The following CSMD1 variants were observed in gnomAD, a reference collection of about 807,000 sequenced individuals.
The protein encoded by CSMD1 is CUB and Sushi multiple domains 1.
Under a neutral mutation model 417.5 loss-of-function variants are expected in CSMD1, and 213 were observed. The ratio of observed to expected loss-of-function variants is 0.51; its 90% confidence interval spans 0.46 to 0.57. The LOEUF is 0.57. Among genes scored for constraint, CSMD1 ranks in the 20% least tolerant of loss-of-function variants. The probability of loss-of-function intolerance (pLI) is 0.00; values close to 1 mark genes in which losing one functional copy is unlikely to be tolerated. For synonymous variants in CSMD1, 2,862 were observed against 1,736.8 expected (o/e 1.65, Z -16.11); for missense variants, 6,923 against 4,529.7 (o/e 1.53, Z -15.17).
intron 3 of CSMD1, among the ~76,000 whole-genome samples, chr8:4,393,222 C>G (rs1213245343): frequency 6.6e-6 from 1 of 151,930 alleles, no homozygotes; most frequent in Non-Finnish European, 1.5e-5. Context: ...TTGATCTACC[C>G]ACATCAGCCT....
chr8:3,006,394 A>C (rs1807905255), intron 52 of CSMD1, among the ~76,000 whole-genome samples: 1 of 149,836 alleles, frequency 6.7e-6, no homozygotes, highest in Admixed American at 6.6e-5. Flanking sequence ...GCTACCAATG[A>C]CTTTCTTCAC....
intron 3 of CSMD1, among the ~76,000 whole-genome samples, chr8:4,313,684 A>G (rs116301561): frequency 1.3e-5 from 2 of 152,062 alleles, no homozygotes; most frequent in South Asian, 4.1e-4. Flanking sequence ...GAGCTCTGAA[A>G]GTTTCAGACA....
chr8:4,125,508 C>A (rs910263960), intron 3 of CSMD1, among the ~76,000 whole-genome samples: 1 of 152,158 alleles, frequency 6.6e-6, no homozygotes, highest in Non-Finnish European at 1.5e-5. Flanking sequence ...ACACGTCGGC[C>A]GGACCTCCTG....
At chr8:3,480,423 C>T (rs548945478) in intron 11 of CSMD1, among the ~76,000 whole-genome samples, 2 of 151,990 alleles carry the variant, frequency 1.3e-5, no homozygotes, top group Non-Finnish European at 2.9e-5. Flanking sequence ...TGGGACAAAA[C>T]AAAACAAAAC....
chr8:3,048,366 G>C (rs1438236353), intron 50 of CSMD1, among the ~76,000 whole-genome samples: 5 of 152,158 alleles, frequency 3.3e-5, no homozygotes, highest in Admixed American at 1.3e-4. Flanking sequence ...AAGACATTAT[G>C]TTACTGGCAA....
intron 69 of CSMD1, among the ~76,000 whole-genome samples, chr8:2,939,693 T>C (rs1395322141): frequency 3.9e-5 from 6 of 152,224 alleles, no homozygotes; most frequent in African/African-American, 1.2e-4. Context: ...TTTCCTTATG[T>C]TACACATGCT....
intron 2 of CSMD1, among the ~76,000 whole-genome samples, chr8:4,477,764 C>T (rs1477634551): frequency 6.6e-6 from 1 of 152,134 alleles, no homozygotes; most frequent in Non-Finnish European, 1.5e-5. Flanking sequence ...ACTCACAATA[C>T]TGTATTTTAA....
chr8:4,736,135 G>A (rs901355993), intron 1 of CSMD1, among the ~76,000 whole-genome samples: 4 of 152,052 alleles, frequency 2.6e-5, no homozygotes, highest in Non-Finnish European at 5.9e-5. Flanking sequence ...TCTTCTACTG[G>A]ATTAACTCAT....
At chr8:2,987,681 G>A (rs1354767451) in intron 54 of CSMD1, among the ~76,000 whole-genome samples, 3 of 152,174 alleles carry the variant, frequency 2.0e-5, no homozygotes, top group Non-Finnish European at 4.4e-5. Flanking sequence ...CATAAGAGGG[G>A]CCTTCCCTAA....
intron 1 of CSMD1, among the ~76,000 whole-genome samples, chr8:4,867,620 A>C (rs1241643975): frequency 1.3e-5 from 2 of 152,034 alleles, no homozygotes; most frequent in African/African-American, 4.8e-5. Flanking sequence ...CCTTGCACTT[A>C]ACTTTATTAT....
intron 5 of CSMD1, among the ~76,000 whole-genome samples, chr8:3,938,173 T>C (rs888799890): frequency 8.5e-5 from 13 of 152,128 alleles, no homozygotes; most frequent in African/African-American, 2.9e-4. Flanking sequence ...TCAATAAAAG[T>C]TGGGCATTGA....
intron 10 of CSMD1, among the ~76,000 whole-genome samples, chr8:3,525,869 G>T (rs1407419809): frequency 2.0e-5 from 3 of 152,080 alleles, no homozygotes; most frequent in Non-Finnish European, 2.9e-5. Context: ...ATTAGAAAAT[G>T]TTATTAACTT....
intron 1 of CSMD1, among the ~76,000 whole-genome samples, chr8:4,934,305 A>C (rs995348508): frequency 2.6e-5 from 4 of 152,202 alleles, no homozygotes; most frequent in Non-Finnish European, 5.9e-5. Flanking sequence ...AGTTGTCCAT[A>C]TCAACATCAA....
rs138105666 is a variant in CSMD1, at chr8:3,905,731, A to G, written c.818+92172T>C. On this transcript the variant is annotated intron_variant, in intron 5 of 69. Coordinates refer to ENST00000635120, the MANE Select transcript of CSMD1 (RefSeq NM_033225.6). ...TATCCACATCCAAGTCCACGCAGAT[A>G]ATAGACTCGTCTTAAAATTGGATGC... Among the ~76,000 whole-genome samples the G allele has an allele frequency of 1.6e-3, 239 of 152,336 alleles. 1 individual carries two copies. The highest frequency in any genetic ancestry group is 5.2e-3 in the African/African-American group (216 of 41,588).
chr8:3,988,084 A>T (rs1814470938), intron 5 of CSMD1, among the ~76,000 whole-genome samples: 1 of 152,220 alleles, frequency 6.6e-6, no homozygotes, highest in Non-Finnish European at 1.5e-5. Context: ...GAAGCTGTTG[A>T]AATATTGTGA....
At chr8:3,963,924 T>C (rs962699721) in intron 5 of CSMD1, among the ~76,000 whole-genome samples, 2 of 152,290 alleles carry the variant, frequency 1.3e-5, no homozygotes, top group African/African-American at 4.8e-5. Context: ...CCAAATTTCC[T>C]CCCTTTCAGA....
At chr8:4,678,716 T>C (rs1231505116) in intron 1 of CSMD1, among the ~76,000 whole-genome samples, 1 of 152,192 alleles carries the variant, frequency 6.6e-6, no homozygotes, top group Non-Finnish European at 1.5e-5. Context: ...TCAAGGACCC[T>C]GTTGTTAAAC....
chr8:4,124,147 C>A (rs1802635303), intron 3 of CSMD1, among the ~76,000 whole-genome samples: 2 of 151,918 alleles, frequency 1.3e-5, no homozygotes, highest in South Asian at 4.2e-4. Context: ...GAATGTTGTC[C>A]TAAAACAGTC....
chr8:4,779,383 C>T (rs4372021), intron 1 of CSMD1, among the ~76,000 whole-genome samples: 14,558 of 152,086 alleles, frequency 0.096, 872 homozygotes, highest in East Asian at 0.32. Flanking sequence ...AGTTCATAAT[C>T]CCTTTAAAAC....
Sources: gnomAD v4.1 joint callset for allele counts (sites outside exome capture counted in the v4.1 genomes callset) on GRCh38, gnomAD v4.1.1 for gene constraint, MANE v1.5 for transcripts, NCBI Gene and HGNC (gene_info 2026-07-23, HGNC 2026-07-21) for gene names.